The following ZNF385D variants were observed in gnomAD, a reference collection of about 807,000 sequenced individuals.
ZNF385D encodes the protein zinc finger protein 385D.
Under a neutral mutation model 35.8 loss-of-function variants are expected in ZNF385D, and 15 were observed. That is an observed-to-expected ratio of 0.42 (90% CI 0.28 to 0.64). ZNF385D has a LOEUF of 0.64. Among genes scored for constraint, ZNF385D ranks in the 30% least tolerant of loss-of-function variants. The pLI is 0.23. For missense variants in ZNF385D, 474 were observed against 494.6 expected, an observed-to-expected ratio of 0.96 and a Z score of 0.39; for synonymous variants, 212 against 186.8, an observed-to-expected ratio of 1.13 and a Z score of -1.10.
chr3:21,494,315 C>T (rs1031931655), intron 4 of ZNF385D, among the ~76,000 whole-genome samples: 2 of 152,102 alleles, frequency 1.3e-5, no homozygotes, highest in Non-Finnish European at 2.9e-5. Context: ...TAGGCAGGCA[C>T]ATTAGAGCCT....
At chr3:22,291,600 C>A (rs1025185322) in intron 2 of ZNF385D, among the ~76,000 whole-genome samples, 1 of 151,848 alleles carries the variant, frequency 6.6e-6, no homozygotes, top group South Asian at 2.1e-4. Context: ...TTATACTATT[C>A]TTTACAACAG....
At chr3:22,151,580 T>A (rs1705238761) in intron 3 of ZNF385D, among the ~76,000 whole-genome samples, 1 of 152,120 alleles carries the variant, frequency 6.6e-6, no homozygotes, top group African/African-American at 2.4e-5. Flanking sequence ...TAAAGGCAAG[T>A]CAGCTGGCAG....
intron 3 of ZNF385D, among the ~76,000 whole-genome samples, chr3:21,969,268 G>C (rs1703096321): frequency 6.6e-6 from 1 of 152,094 alleles, no homozygotes; most frequent in African/African-American, 2.4e-5. Context: ...ATCTTGACTT[G>C]CATAATCCCC....
chr3:22,093,347 ATAT>A (rs544099348), intron 3 of ZNF385D, among the ~76,000 whole-genome samples: 49 of 151,842 alleles, frequency 3.2e-4, no homozygotes, highest in Middle Eastern at 6.9e-3. Context: ...TACAAATAAA[ATAT>A]TATTAAATAC....
intron 3 of ZNF385D, among the ~76,000 whole-genome samples, chr3:21,852,640 A>G (rs1426776871): frequency 2.6e-5 from 4 of 151,980 alleles, no homozygotes; most frequent in Non-Finnish European, 4.4e-5. Flanking sequence ...GCAGTAAATT[A>G]TATTTCTACA....
intron 3 of ZNF385D, among the ~76,000 whole-genome samples, chr3:21,911,223 A>G (rs767155547): frequency 1.3e-5 from 2 of 151,972 alleles, no homozygotes; most frequent in Non-Finnish European, 2.9e-5. Flanking sequence ...ACCTTGAAAT[A>G]AGCTAAAAAA....
At chr3:21,808,092 G>T (rs528862064) in intron 3 of ZNF385D, among the ~76,000 whole-genome samples, 3 of 152,172 alleles carry the variant, frequency 2.0e-5, no homozygotes, top group African/African-American at 7.2e-5. Flanking sequence ...TCAAGAGACC[G>T]GAAGCCAAAG....
At position 21,420,392 on chromosome 3, in the gene ZNF385D, T is replaced by A. The variant is rs892126538; in HGVS notation, c.*822A>T. 6.6e-6 allele frequency: 1 copy of A among 152,232 alleles called. No individual in the cohort carries two copies. The highest frequency in any genetic ancestry group is 1.5e-5 in the Non-Finnish European group (1 of 68,042). The allele number at this position is 152,232 out of a possible 1,614,324, so 9.4% of individuals were successfully genotyped here. ...TTCTCTGCTTTCAGATATAGGTTCATTATAAACACTTCCCTGTTTCCAGCA... is the reference window on the plus strand; with the variant it reads ...TTCTCTGCTTTCAGATATAGGTTCAATATAAACACTTCCCTGTTTCCAGCA... On this transcript the variant is annotated 3_prime_UTR_variant, in exon 8 of 8. Transcript: ENST00000281523.
At chr3:22,106,892 A>T (rs1436793867) in intron 3 of ZNF385D, among the ~76,000 whole-genome samples, 1 of 152,082 alleles carries the variant, frequency 6.6e-6, no homozygotes, top group East Asian at 1.9e-4. Context: ...AAGAGTGGTC[A>T]CCTAACTCTT....
At chr3:22,187,777 C>T (rs560099361) in intron 2 of ZNF385D, among the ~76,000 whole-genome samples, 32 of 152,064 alleles carry the variant, frequency 2.1e-4, no homozygotes, top group Non-Finnish European at 4.1e-4. Flanking sequence ...TATGTTTATT[C>T]GGACAGCGAT....
chr3:22,058,332 C>A (rs1699516188), intron 3 of ZNF385D, among the ~76,000 whole-genome samples: 1 of 152,184 alleles, frequency 6.6e-6, no homozygotes, highest in Admixed American at 6.5e-5. Context: ...AACAAGCCGC[C>A]CCTATTGTCA....
chr3:21,995,113 A>T (rs144147309), intron 3 of ZNF385D, among the ~76,000 whole-genome samples: 2 of 152,212 alleles, frequency 1.3e-5, no homozygotes, highest in Non-Finnish European at 2.9e-5. Flanking sequence ...GACATCATTT[A>T]TATCAGTAGC....
At chr3:21,974,587 A>G (rs1301905498) in intron 3 of ZNF385D, among the ~76,000 whole-genome samples, 2 of 152,100 alleles carry the variant, frequency 1.3e-5, no homozygotes, top group Admixed American at 6.6e-5. Flanking sequence ...CACATCAAGT[A>G]AACAGCTCCT....
chr3:21,696,278 G>T (rs1324964744), intron 1 of ZNF385D, among the ~76,000 whole-genome samples: 4 of 152,172 alleles, frequency 2.6e-5, no homozygotes, highest in Non-Finnish European at 4.4e-5. Context: ...ACACTTAGCA[G>T]GTGGTCAACC....
chr3:22,225,182 T>G (rs910545048), intron 2 of ZNF385D, among the ~76,000 whole-genome samples: 2 of 152,136 alleles, frequency 1.3e-5, no homozygotes, highest in Admixed American at 1.3e-4. Flanking sequence ...ATAATTTTGA[T>G]TGAGTAGAAT....
intron 4 of ZNF385D, among the ~76,000 whole-genome samples, chr3:21,450,122 G>A (rs570020305): frequency 3.1e-4 from 47 of 152,282 alleles, no homozygotes; most frequent in African/African-American, 1.1e-3. Flanking sequence ...ACCTCCTTGG[G>A]CAGGGCTGTC....
At position 22,050,876 on chromosome 3, in the gene ZNF385D, T is replaced by TGGGA. The variant is rs1316251265; in HGVS notation, c.325+117940_325+117941insTCCC. ...CCCTTAAAAATTCAATGTGTTATAA[T>TGGGA]TTCTGTTCTTTTACATTTGCTGAGG... On this transcript the variant is annotated intron_variant, in intron 3 of 5. Transcript: ENST00000494108. Among the ~76,000 whole-genome samples the TGGGA allele has an allele frequency of 4.3e-3, 110 of 25,610 alleles. 13 individuals carry two copies. Among genetic ancestry groups the TGGGA allele is most frequent in the Middle Eastern group, 0.023 (1 of 44 alleles). 16.8% of individuals were successfully genotyped at this position (25,610 alleles called of 152,430 possible). A position where few individuals can be genotyped will look rare whatever the true frequency, so the allele number is the denominator to read the frequency against.
At chr3:22,352,216 G>A (rs536310849) in intron 2 of ZNF385D, among the ~76,000 whole-genome samples, 1 of 152,244 alleles carries the variant, frequency 6.6e-6, no homozygotes, top group African/African-American at 2.4e-5. Context: ...GAAGAAAAAA[G>A]TAAGGCAAAA....
At chr3:22,182,082 C>T (rs1695319068) in intron 2 of ZNF385D, among the ~76,000 whole-genome samples, 1 of 152,106 alleles carries the variant, frequency 6.6e-6, no homozygotes, top group Admixed American at 6.6e-5. Flanking sequence ...TGGAAGAAGT[C>T]CTGGTTAGGC....
Sources: gnomAD v4.1 joint callset for allele counts (sites outside exome capture counted in the v4.1 genomes callset) on GRCh38, gnomAD v4.1.1 for gene constraint, MANE v1.5 for transcripts, NCBI Gene and HGNC (gene_info 2026-07-23, HGNC 2026-07-21) for gene names.